The following OPHN1 variants were observed in gnomAD, a reference collection of about 807,000 sequenced individuals.
OPHN1 encodes oligophrenin 1.
In OPHN1, 11 loss-of-function variants were observed where a neutral mutation model predicts 60.7. The observed-to-expected ratio is 0.18, with a 90% CI of 0.11 to 0.30. The LOEUF is 0.30. OPHN1 is among the 10% of genes least tolerant of loss of function. The pLI is 1.00. For missense variants in OPHN1, 449 were observed against 611.0 expected, an observed-to-expected ratio of 0.73 and a Z score of 2.80; for synonymous variants, 226 against 222.6, an observed-to-expected ratio of 1.02 and a Z score of -0.14.
intron 2 of OPHN1, among the ~76,000 whole-genome samples, chrX:68,385,640 T>C (rs993829205): frequency 8.9e-6 from 1 of 112,526 alleles, no homozygotes; most frequent in Admixed American, 9.5e-5. Context: ...CTAGTTATCT[T>C]CTGGAAACCA....
At chrX:68,127,258 A>G (rs2147454519) in intron 15 of OPHN1, among the ~76,000 whole-genome samples, 1 of 112,575 alleles carries the variant, frequency 8.9e-6, no homozygotes, top group Non-Finnish European at 1.9e-5. Context: ...AGTGAGAAAC[A>G]CAAGGTTTTA....
chrX:68,239,346 T>G (rs1197408872), intron 5 of OPHN1, among the ~76,000 whole-genome samples: 1 of 110,714 alleles, frequency 9.0e-6, no homozygotes, highest in East Asian at 2.8e-4. Context: ...CAACCACTTG[T>G]GTCTCTGCCC....
At chrX:68,324,615 A>G (rs73634112) in intron 2 of OPHN1, among the ~76,000 whole-genome samples, 1,197 of 96,163 alleles carry the variant, frequency 0.012, 12 homozygotes, top group African/African-American at 0.057. Flanking sequence ...CCTTTTCTCA[A>G]AAAAAAAAAA....
At chrX:68,175,165 A>G (rs757264738) in intron 15 of OPHN1, among the ~76,000 whole-genome samples, 1 of 111,464 alleles carries the variant, frequency 9.0e-6, no homozygotes. Context: ...CCCTACAGAG[A>G]GTAGATATAA....
At chrX:68,229,623 T>C (rs187004533) in intron 6 of OPHN1, among the ~76,000 whole-genome samples, 8 of 111,499 alleles carry the variant, frequency 7.2e-5, no homozygotes, top group Non-Finnish European at 1.3e-4. Flanking sequence ...TCTACAACCA[T>C]CTGATCTTTG....
chrX:68,287,161 G>GAAAGA (rs1555967057), intron 3 of OPHN1, among the ~76,000 whole-genome samples: 9 of 91,326 alleles, frequency 9.9e-5, no homozygotes, highest in South Asian at 6.0e-4. Context: ...AAGAAGGAAA[G>GAAAGA]AAAGAAAGAA....
chrX:68,161,962 A>G (rs1312866634), intron 15 of OPHN1, among the ~76,000 whole-genome samples: 1 of 111,567 alleles, frequency 9.0e-6, no homozygotes, highest in Non-Finnish European at 1.9e-5. Context: ...GAGTAAAAAA[A>G]GAAAGTAGTG....
intron 10 of OPHN1, among the ~76,000 whole-genome samples, chrX:68,203,584 A>T: frequency 9.0e-6 from 1 of 111,219 alleles, no homozygotes; most frequent in Non-Finnish European, 1.9e-5. Flanking sequence ...AAAGTCACAG[A>T]CTCACTCTAT....
At chrX:68,399,038 C>A (rs1403954466) in intron 2 of OPHN1, among the ~76,000 whole-genome samples, 4 of 109,603 alleles carry the variant, frequency 3.6e-5, no homozygotes, top group Admixed American at 9.9e-5. Flanking sequence ...AACTGGTCCT[C>A]TCCAGAATTA....
At chrX:68,337,241 T>A (rs1359316313) in intron 2 of OPHN1, among the ~76,000 whole-genome samples, 1 of 111,849 alleles carries the variant, frequency 8.9e-6, no homozygotes, top group Non-Finnish European at 1.9e-5. Flanking sequence ...CTTTTTCAAT[T>A]TTTTTCCCAT....
At chrX:68,398,960 AGTGT>A (rs113103699) in intron 2 of OPHN1, among the ~76,000 whole-genome samples, 56,304 of 94,870 alleles carry the variant, frequency 0.59, 15,692 homozygotes, top group East Asian at 0.78. Context: ...AAACAAAAAA[AGTGT>A]GTGTGTGTGT....
chrX:68,423,106 A>G (rs889237128), intron 2 of OPHN1, among the ~76,000 whole-genome samples: 5 of 109,991 alleles, frequency 4.5e-5, no homozygotes, highest in Admixed American at 2.9e-4. Flanking sequence ...GCTCACTGCA[A>G]GCTCCGCCTC....
At chrX:68,176,704 A>G (rs948980047) in intron 15 of OPHN1, among the ~76,000 whole-genome samples, 4 of 111,303 alleles carry the variant, frequency 3.6e-5, no homozygotes, top group African/African-American at 1.3e-4. Context: ...AAACCCATTT[A>G]TGCTGGCAGT....
At chrX:68,171,685 A>C (rs1425846588) in intron 15 of OPHN1, among the ~76,000 whole-genome samples, 7 of 110,753 alleles carry the variant, frequency 6.3e-5, no homozygotes, top group Non-Finnish European at 1.3e-4. Flanking sequence ...GCAGTGAGCC[A>C]AGATCACACC....
chrX:68,270,034 A>C (rs1190172352), intron 5 of OPHN1, among the ~76,000 whole-genome samples: 2 of 111,487 alleles, frequency 1.8e-5, no homozygotes, highest in South Asian at 7.7e-4. Context: ...CAAAACCACA[A>C]TGAGATACCA....
chrX:68,194,386 T>C, intron 13 of OPHN1, 79 bp downstream of exon 13: 1 of 815,924 alleles, frequency 1.2e-6, no homozygotes, highest in Non-Finnish European at 1.9e-6. Context: ...GTAGTACACA[T>C]CATTAATGAT....
At chrX:68,091,332 G>A (rs2077017264) in intron 19 of OPHN1, among the ~76,000 whole-genome samples, 1 of 111,534 alleles carries the variant, frequency 9.0e-6, no homozygotes, top group African/African-American at 3.3e-5. Context: ...AGTGGTCTTG[G>A]GAGCAATAAA....
intron 5 of OPHN1, among the ~76,000 whole-genome samples, chrX:68,241,157 C>T (rs1398839610): frequency 8.9e-6 from 1 of 111,828 alleles, no homozygotes; most frequent in African/African-American, 3.2e-5. Context: ...CCCAAAAGAA[C>T]ATGTATCCCT....
intron 15 of OPHN1, among the ~76,000 whole-genome samples, chrX:68,140,310 T>C (rs1460094862): frequency 8.9e-6 from 1 of 112,032 alleles, no homozygotes; most frequent in African/African-American, 3.2e-5. Flanking sequence ...ATCTGGCCTA[T>C]GATTGGGCCA....
Sources: allele counts gnomAD v4.1 joint callset (sites outside exome capture counted in the v4.1 genomes callset), GRCh38; gene constraint gnomAD v4.1.1; transcripts MANE v1.5; gene names NCBI Gene and HGNC (gene_info 2026-07-23, HGNC 2026-07-21).